The following ANKH variants were observed in gnomAD, a reference collection of about 807,000 sequenced individuals.
The protein encoded by ANKH is mineralization regulator ANKH.
In ANKH, 15 loss-of-function variants were observed where a neutral mutation model predicts 49.0. The ratio of observed to expected loss-of-function variants is 0.31; its 90% CI spans 0.20 to 0.47. ANKH has a LOEUF of 0.47. Among genes scored for constraint, ANKH ranks in the 20% least tolerant of loss-of-function variants. The probability of loss-of-function intolerance (pLI) is 1.00; values close to 1 mark genes in which losing one functional copy is unlikely to be tolerated. For synonymous variants in ANKH, 273 were observed against 260.0 expected (o/e 1.05, Z -0.48); for missense variants, 429 against 652.0 (o/e 0.66, Z 3.72).
intron 1 of ANKH, among the ~76,000 whole-genome samples, chr5:14,860,811 A>T (rs1434726516): frequency 6.6e-6 from 1 of 151,924 alleles, no homozygotes; most frequent in Non-Finnish European, 1.5e-5. Context: ...CCCAGGCTGG[A>T]GTGCTGCGAT....
chr5:14,810,982 G>T (rs1466811271), intron 1 of ANKH, among the ~76,000 whole-genome samples: 1 of 144,138 alleles, frequency 6.9e-6, no homozygotes, highest in African/African-American at 2.6e-5. Flanking sequence ...TTTCTACAGG[G>T]TGCTGTGGGG....
At chr5:14,871,119 C>T (rs1221390128) in intron 1 of ANKH, 2 of 647,820 alleles carry the variant, frequency 3.1e-6, no homozygotes, top group South Asian at 3.0e-5. Flanking sequence ...AGCTTCACAC[C>T]ATCCAGTCTT....
intron 1 of ANKH, among the ~76,000 whole-genome samples, chr5:14,841,018 CAT>C (rs987973179): frequency 5.9e-5 from 9 of 152,138 alleles, no homozygotes; most frequent in African/African-American, 7.2e-5. Flanking sequence ...GCCTACAACA[CAT>C]GTCTGAAAGT....
At chr5:14,781,458 G>C (rs1320726754) in intron 1 of ANKH, among the ~76,000 whole-genome samples, 1 of 152,162 alleles carries the variant, frequency 6.6e-6, no homozygotes, top group Non-Finnish European at 1.5e-5. Context: ...CTTCCATTAA[G>C]AATAGGGACA....
intron 8 of ANKH, among the ~76,000 whole-genome samples, chr5:14,740,458 G>C (rs1738319032): frequency 6.6e-6 from 1 of 152,058 alleles, no homozygotes; most frequent in African/African-American, 2.4e-5. Context: ...CGCTCAAACA[G>C]GCATTGCTAT....
rs1212876919 is a variant in ANKH, at chr5:14,793,036, A to AT, written c.97-23846_97-23845insA. On this transcript the variant is annotated intron_variant, in intron 1 of 11. Coordinates refer to ENST00000284268, the MANE Select transcript of ANKH (RefSeq NM_054027.6). ...TATATATATAAATATATATATATAA[A>AT]AATATATATATAAATATATATAAAA... 5.2e-3 allele frequency among the ~76,000 whole-genome samples: 348 copies of AT among 66,976 alleles called. 1 individual carries two copies. Among genetic ancestry groups the AT allele is most frequent in the South Asian group, 0.051 (120 of 2,356 alleles). 43.9% of individuals were successfully genotyped at this position (66,976 alleles called of 152,430 possible).
intron 1 of ANKH, among the ~76,000 whole-genome samples, chr5:14,771,068 T>A (rs73048892): frequency 0.012 from 1,780 of 152,342 alleles, 41 homozygotes; most frequent in African/African-American, 0.041. Context: ...TATATGGTTA[T>A]AGCCACAGTC....
chr5:14,833,217 A>G (rs1207227347), intron 1 of ANKH, among the ~76,000 whole-genome samples: 1 of 152,226 alleles, frequency 6.6e-6, no homozygotes, highest in Non-Finnish European at 1.5e-5. Context: ...CTTAAGTTAT[A>G]GCATTGCCAT....
intron 1 of ANKH, among the ~76,000 whole-genome samples, chr5:14,789,772 G>A (rs2126541979): frequency 1.3e-5 from 2 of 152,278 alleles, no homozygotes; most frequent in Middle Eastern, 3.4e-3. Flanking sequence ...GTGCAGTGGT[G>A]CGATCTCAGC....
chr5:14,711,300 A>ATCT lies in ANKH; in HGVS notation c.1373_1375dup (p.Lys458dup). ...CCCCTCCGTGGCCGACTCATTCTCCATCTTCTTTTTCTAGACCAAAGAAGA... is the reference window on the plus strand; with the variant it reads ...CCCCTCCGTGGCCGACTCATTCTCCATCTTCTTCTTTTTCTAGACCAAAGAAGA... On this transcript the variant is annotated inframe_insertion, in exon 12 of 12. Coordinates refer to ENST00000284268, the MANE Select transcript of ANKH (RefSeq NM_054027.6). The ATCT allele has an allele frequency of 1.2e-6, 2 of 1,613,922 alleles. No homozygotes were observed. The highest frequency in any genetic ancestry group is 8.5e-7 in the Non-Finnish European group (1 of 1,179,896).
chr5:14,775,019 T>C (rs1056020809), intron 1 of ANKH, among the ~76,000 whole-genome samples: 1 of 151,956 alleles, frequency 6.6e-6, no homozygotes, highest in Non-Finnish European at 1.5e-5. Flanking sequence ...ACTCTATATA[T>C]ACTATGTTTT....
intron 8 of ANKH, among the ~76,000 whole-genome samples, chr5:14,721,744 C>G (rs547549233): frequency 6.6e-6 from 1 of 152,056 alleles, no homozygotes; most frequent in Non-Finnish European, 1.5e-5. Flanking sequence ...TCCTGGCTAA[C>G]ACGGTGAAAC....
chr5:14,797,855 C>T, intron 1 of ANKH: 1 of 1,611,706 alleles, frequency 6.2e-7, no homozygotes, highest in Non-Finnish European at 8.5e-7. Flanking sequence ...TCCAAGAAAG[C>T]CCATAGCCTT....
At chr5:14,784,365 C>T (rs147548169) in intron 1 of ANKH, among the ~76,000 whole-genome samples, 1 of 152,182 alleles carries the variant, frequency 6.6e-6, no homozygotes, top group Non-Finnish European at 1.5e-5. Context: ...CCTGGTGCTC[C>T]TTCCTCTGCA....
intron 1 of ANKH, chr5:14,798,184 A>G: frequency 6.3e-7 from 1 of 1,580,670 alleles, no homozygotes; most frequent in Non-Finnish European, 8.7e-7. Flanking sequence ...TGTTCATCCG[A>G]TGTGTGTGTC....
At chr5:14,797,143 G>A in intron 1 of ANKH, 1 of 1,348,616 alleles carries the variant, frequency 7.4e-7, no homozygotes, top group Non-Finnish European at 1.1e-6. Flanking sequence ...TGTCCTTCTG[G>A]ATCCATGCTT....
chr5:14,748,605 A>C (rs897845413), intron 6 of ANKH, among the ~76,000 whole-genome samples: 3 of 152,246 alleles, frequency 2.0e-5, no homozygotes, highest in Non-Finnish European at 2.9e-5. Context: ...AAGTTTGTTC[A>C]ATCAAGGAGC....
chr5:14,846,479 T>G (rs1291925719), intron 1 of ANKH, among the ~76,000 whole-genome samples: 1 of 152,184 alleles, frequency 6.6e-6, no homozygotes, highest in African/African-American at 2.4e-5. Context: ...GTAATTAATA[T>G]CGTGATTTTT....
chr5:14,732,379 T>A (rs1738033319), intron 8 of ANKH, among the ~76,000 whole-genome samples: 2 of 151,994 alleles, frequency 1.3e-5, no homozygotes, highest in Admixed American at 6.6e-5. Flanking sequence ...CTACTGAAGG[T>A]GTGTGTAAAT....
Sources: gnomAD v4.1 joint callset for allele counts (sites outside exome capture counted in the v4.1 genomes callset) on GRCh38, gnomAD v4.1.1 for gene constraint, MANE v1.5 for transcripts, NCBI Gene and HGNC (gene_info 2026-07-23, HGNC 2026-07-21) for gene names.